Variants in ABI3BP observed in about 807,000 individuals in gnomAD.
The protein encoded by ABI3BP is ABI family member 3 binding protein.
A neutral mutation model predicts 268.6 loss-of-function variants in ABI3BP; 216 were observed. The ratio of observed to expected loss-of-function variants is 0.80; its 90% CI spans 0.72 to 0.90. The LOEUF (loss-of-function observed/expected upper bound fraction) is 0.90. Ranked by LOEUF, ABI3BP falls within the 40% of genes least tolerant of loss-of-function variation. ABI3BP has a pLI of 0.00. For synonymous variants in ABI3BP, 730 were observed against 730.0 expected (o/e 1.00, Z 0.00); for missense variants, 2,090 against 2,182.4 (o/e 0.96, Z 0.84).
chr3:100,834,703 C>G lies in ABI3BP; in HGVS notation c.2262G>C (p.Glu754Asp), dbSNP rs541892174. Residue 754 changes from glutamate (E) to aspartate (D), a missense_variant, in exon 29 of 68, where the codon GAG becomes GAC. By Grantham distance (45) the Glu-to-Asp change is conservative (BLOSUM62 2). Coordinates refer to ENST00000471714, the MANE Select transcript of ABI3BP (RefSeq NM_001375547.2). ...RPKHKTTPRP[E>D]TLQTKLDFGP... Reference sequence around the variant, plus strand: ...ATTTACCTAGTTTGGTCTGCAGTGTCTCTGGGCGTGGCGTGGTTTTATGTT... The same window carrying G: ...ATTTACCTAGTTTGGTCTGCAGTGTGTCTGGGCGTGGCGTGGTTTTATGTT... 3 of 1,535,686 alleles carry G rather than the reference C, an allele frequency of 2.0e-6. No homozygotes were observed. Among genetic ancestry groups the G allele is most frequent in the Non-Finnish European group, 2.6e-6 (3 of 1,146,554 alleles).
chr3:100,830,110 C>CATACAT (rs2098461012), intron 32 of ABI3BP, among the ~76,000 whole-genome samples: 1 of 44,758 alleles, frequency 2.2e-5, no homozygotes, highest in Non-Finnish European at 4.3e-5. Context: ...TACATACATA[C>CATACAT]ATATATATAT....
At chr3:100,951,980 T>A (rs899648962) in intron 1 of ABI3BP, among the ~76,000 whole-genome samples, 2 of 150,010 alleles carry the variant, frequency 1.3e-5, no homozygotes, top group African/African-American at 2.5e-5. Flanking sequence ...GCAATTCCTA[T>A]CTCACCTTCT....
At chr3:100,909,856 G>C (rs1415994940) in intron 2 of ABI3BP, among the ~76,000 whole-genome samples, 2 of 152,206 alleles carry the variant, frequency 1.3e-5, no homozygotes, top group African/African-American at 4.8e-5. Context: ...GGAAGACAGT[G>C]TGGCAATTCC....
At chr3:100,823,701 G>A (rs1019723852) in intron 36 of ABI3BP, among the ~76,000 whole-genome samples, 187 bp from the exon 37 acceptor site, 10 of 152,318 alleles carry the variant, frequency 6.6e-5, no homozygotes, top group Middle Eastern at 3.4e-3. Context: ...GGCATGGTGA[G>A]TCTCAGGCTT....
chr3:100,861,696 G>GGAA (rs796760661), intron 14 of ABI3BP, among the ~76,000 whole-genome samples: 1 of 142,686 alleles, frequency 7.0e-6, no homozygotes, highest in African/African-American at 2.6e-5. Context: ...TTCTCCACAG[G>GGAA]AAAAAAAAAA....
chr3:100,955,655 A>G (rs1458723036), intron 1 of ABI3BP, among the ~76,000 whole-genome samples: 1 of 152,326 alleles, frequency 6.6e-6, no homozygotes, highest in East Asian at 1.9e-4. Context: ...TACACGTGGA[A>G]TCTTTTGCAT....
intron 4 of ABI3BP, among the ~76,000 whole-genome samples, chr3:100,895,953 G>A (rs908758645): frequency 2.6e-5 from 4 of 151,922 alleles, no homozygotes; most frequent in Admixed American, 6.6e-5. Flanking sequence ...TTTAAATGTC[G>A]GTTTATTAAC....
At chr3:100,903,283 A>G (rs542336283) in intron 2 of ABI3BP, among the ~76,000 whole-genome samples, 1 of 152,354 alleles carries the variant, frequency 6.6e-6, no homozygotes, top group Non-Finnish European at 1.5e-5. Flanking sequence ...TATTTCAATG[A>G]AATGTACATA....
chr3:100,890,153 T>C (rs186966217), intron 4 of ABI3BP, among the ~76,000 whole-genome samples: 1 of 152,292 alleles, frequency 6.6e-6, no homozygotes, highest in East Asian at 1.9e-4. Context: ...ATGTACATGG[T>C]TGACTGTCTT....
chr3:100,889,585 TC>T (rs2043566059), intron 4 of ABI3BP, among the ~76,000 whole-genome samples: 1 of 152,120 alleles, frequency 6.6e-6, no homozygotes, highest in Non-Finnish European at 1.5e-5. Flanking sequence ...AGGCAACAAG[TC>T]TATTAAAAAT....
chr3:100,964,287 A>T (rs929390513), intron 1 of ABI3BP, among the ~76,000 whole-genome samples: 13 of 152,128 alleles, frequency 8.5e-5, no homozygotes, highest in African/African-American at 3.1e-4. Context: ...GCATAATAAG[A>T]TTAGGGGTTG....
intron 14 of ABI3BP, among the ~76,000 whole-genome samples, chr3:100,856,978 A>T (rs569431898): frequency 2.0e-5 from 3 of 152,292 alleles, no homozygotes; most frequent in Admixed American, 1.3e-4. Flanking sequence ...GTAACTGAAG[A>T]GAGAGACTAT....
intron 1 of ABI3BP, among the ~76,000 whole-genome samples, chr3:100,960,224 A>T (rs1226878057): frequency 6.6e-6 from 1 of 152,218 alleles, no homozygotes; most frequent in Admixed American, 6.5e-5. Context: ...GAAGTAAAGA[A>T]CAAAGAATGA....
intron 2 of ABI3BP, chr3:100,911,206 G>T: frequency 5.1e-6 from 2 of 393,212 alleles, no homozygotes; most frequent in Non-Finnish European, 4.8e-6. Flanking sequence ...AGGAATGTCA[G>T]TGTGTTCTAC....
intron 29 of ABI3BP, among the ~76,000 whole-genome samples, chr3:100,833,709 T>C (rs1004020775): frequency 6.6e-6 from 1 of 152,182 alleles, no homozygotes; most frequent in Non-Finnish European, 1.5e-5. Flanking sequence ...CTCTTTGTTA[T>C]CAGGAGAGAA....
intron 1 of ABI3BP, among the ~76,000 whole-genome samples, chr3:100,951,651 T>TCA (rs1488717177): frequency 2.0e-5 from 3 of 151,894 alleles, no homozygotes; most frequent in African/African-American, 7.3e-5. Flanking sequence ...GGCACCCAAG[T>TCA]CACACTTGAG....
At chr3:100,935,534 T>A (rs1477603654) in intron 1 of ABI3BP, among the ~76,000 whole-genome samples, 3 of 152,262 alleles carry the variant, frequency 2.0e-5, no homozygotes, top group Admixed American at 6.6e-5. Flanking sequence ...GGTAATTTGA[T>A]CAGGATAGGA....
At chr3:100,757,699 T>C (rs1392667536) in intron 63 of ABI3BP, among the ~76,000 whole-genome samples, 1 of 152,182 alleles carries the variant, frequency 6.6e-6, no homozygotes, top group Non-Finnish European at 1.5e-5. Context: ...TGTATAGGAA[T>C]TCCAAAAGAG....
Position 100,774,645 on chromosome 3 carries a change from TG to T in ABI3BP, c.4490del (p.Pro1497GlnfsTer79). 1 of 1,585,658 alleles carries T rather than the reference TG, an allele frequency of 6.3e-7. No individual in the cohort carries two copies. The highest frequency in any genetic ancestry group is 1.8e-5 in the Admixed American group (1 of 56,042). On this transcript the variant is annotated frameshift_variant, in exon 61 of 68. Coordinates refer to ENST00000471714, the MANE Select transcript of ABI3BP (RefSeq NM_001375547.2). LOFTEE classifies it high-confidence loss of function. ...TCCCAAGAGGATCAGTTTCTCTTGT[TG>T]GGCTTGAGCTAAAGTCAGTTATATT... ...LENITDFSSS[P>X]TRETDPLGKP...
Sources: gnomAD v4.1 joint callset for allele counts (sites outside exome capture counted in the v4.1 genomes callset) on GRCh38, gnomAD v4.1.1 for gene constraint, MANE v1.5 for transcripts, NCBI Gene and HGNC (gene_info 2026-07-23, HGNC 2026-07-21) for gene names.